PTPRN2: variants seen among roughly 807,000 people sequenced by gnomAD.
The protein encoded by PTPRN2 is protein tyrosine phosphatase receptor type N2, also known as receptor-type tyrosine-protein phosphatase N2.
A neutral mutation model predicts 118.8 loss-of-function variants in PTPRN2; 74 were observed. The ratio of observed to expected loss-of-function variants is 0.62; its 90% confidence interval spans 0.52 to 0.76. PTPRN2 has a LOEUF of 0.76. PTPRN2 is among the 30% of genes least tolerant of loss of function. The pLI, the probability that PTPRN2 is intolerant of heterozygous loss-of-function variation, is 0.00. For synonymous variants in PTPRN2, 641 were observed against 608.0 expected (o/e 1.05, Z -0.80); for missense variants, 1,481 against 1,394.4 (o/e 1.06, Z -0.99).
chr7:158,251,631 T>G (rs1329064223), intron 3 of PTPRN2, among the ~76,000 whole-genome samples: 1 of 120,096 alleles, frequency 8.3e-6, no homozygotes, highest in African/African-American at 3.3e-5. Flanking sequence ...GCAATGGATG[T>G]CTATGGTGCA....
rs2128811333 is a variant in PTPRN2 at position 157,964,195 on chromosome 7, T to C, written c.1724-65458A>G. Reference sequence around the variant, plus strand: ...GTGGGGTAGTGTTGAGTTCTGGTCCTGGTCCCACCGACCTGGGCTGGAGCT... The same window carrying C: ...GTGGGGTAGTGTTGAGTTCTGGTCCCGGTCCCACCGACCTGGGCTGGAGCT... On this transcript the variant is annotated intron_variant, in intron 11 of 22. Transcript: ENST00000389418. This position sits in a 1 kb window ranked among gnomAD's most constrained non-coding sequence, Gnocchi z 9.0. Among the ~76,000 whole-genome samples the C allele has an allele frequency of 6.6e-6, 1 of 152,288 alleles. No homozygotes were observed. The highest frequency in any genetic ancestry group is 1.9e-4 in the East Asian group (1 of 5,178).
chr7:157,544,989 TG>T (rs1798213253), intron 22 of PTPRN2, among the ~76,000 whole-genome samples: 1 of 143,782 alleles, frequency 7.0e-6, no homozygotes. Context: ...TGCAGGTGTG[TG>T]GGTGTGCAGG....
chr7:157,673,049 T>C (rs1282255416), intron 13 of PTPRN2, among the ~76,000 whole-genome samples: 1 of 152,190 alleles, frequency 6.6e-6, no homozygotes, highest in Non-Finnish European at 1.5e-5. Flanking sequence ...AGAAATAACA[T>C]ACCCAGGTTC....
chr7:158,384,561 C>T (rs1328481453), intron 2 of PTPRN2, among the ~76,000 whole-genome samples: 1 of 152,100 alleles, frequency 6.6e-6, no homozygotes, highest in African/African-American at 2.4e-5. Context: ...CTTCAACAGG[C>T]ACAGGTGTTA....
At chr7:158,314,660 C>T (rs879265425) in intron 3 of PTPRN2, among the ~76,000 whole-genome samples, 26 of 125,850 alleles carry the variant, frequency 2.1e-4, no homozygotes, top group Non-Finnish European at 2.8e-4. Context: ...GGCGCCCTGG[C>T]CCACACCGCC....
intron 11 of PTPRN2, among the ~76,000 whole-genome samples, chr7:158,056,842 G>A (rs1341455135): frequency 6.6e-6 from 1 of 152,206 alleles, no homozygotes; most frequent in East Asian, 1.9e-4. Flanking sequence ...CATCATCCCA[G>A]GTCAGGGGAC....
At chr7:158,441,052 TA>T (rs1817044865) in intron 2 of PTPRN2, among the ~76,000 whole-genome samples, 2 of 53,812 alleles carry the variant, frequency 3.7e-5, no homozygotes, top group African/African-American at 4.7e-5. Context: ...GTGATGGTGG[TA>T]GTGATGGGGG....
At chr7:158,332,368 A>G (rs1438043697) in intron 2 of PTPRN2, among the ~76,000 whole-genome samples, 4 of 129,002 alleles carry the variant, frequency 3.1e-5, no homozygotes, top group Admixed American at 1.5e-4. Flanking sequence ...CACTCTCACC[A>G]TAAGAGGTGA....
chr7:158,174,783 A>G (rs549363902), intron 5 of PTPRN2, among the ~76,000 whole-genome samples: 2 of 152,320 alleles, frequency 1.3e-5, no homozygotes, highest in South Asian at 4.2e-4. Flanking sequence ...AGGAAATCAG[A>G]GCTGCTTCCT....
chr7:158,314,452 T>C (rs1802122642), intron 3 of PTPRN2, among the ~76,000 whole-genome samples: 1 of 152,270 alleles, frequency 6.6e-6, no homozygotes, highest in Non-Finnish European at 1.5e-5. Flanking sequence ...GTGGGCAGCA[T>C]TCCGTCTGTG....
At chr7:158,164,837 G>A (rs562259869) in intron 6 of PTPRN2, among the ~76,000 whole-genome samples, 3 of 152,286 alleles carry the variant, frequency 2.0e-5, no homozygotes, top group East Asian at 3.9e-4. Flanking sequence ...GTGCCGGGGA[G>A]GGGCAAGGAA....
chr7:158,310,309 A>C (rs1801598168), intron 3 of PTPRN2, among the ~76,000 whole-genome samples: 1 of 152,254 alleles, frequency 6.6e-6, no homozygotes, highest in Admixed American at 6.5e-5. Context: ...AGGAAGACAA[A>C]GCAGTATCTC....
In PTPRN2 at chr7:158,133,754, C is replaced by T. The variant is rs1340333000; in HGVS notation, c.1479G>A (p.Glu493=). 1.9e-6 allele frequency: 3 copies of T among 1,613,600 alleles called. No individual in the cohort carries two copies. The highest frequency in any genetic ancestry group is 1.7e-5 in the Admixed American group (1 of 60,024). The stretch of plus-strand genomic sequence containing the variant: ...CCAATTGCAGGCCGTCGCTGAGGGC[C>T]TCCTGAGCACCCGCTGGAAGGCTCT... ...EEQSLPAGAQ[E]ALSDGLQLEV... is the part of the protein sequence containing the mutation. The change falls in exon 9 of 23, where the codon GAG becomes GAA. Residue 493 remains glutamate (E), a synonymous_variant. Transcript: ENST00000389418.
At chr7:158,026,288 G>A (rs1807262796) in intron 11 of PTPRN2, among the ~76,000 whole-genome samples, 1 of 152,316 alleles carries the variant, frequency 6.6e-6, no homozygotes, top group East Asian at 1.9e-4. Flanking sequence ...CAGGGATGAT[G>A]GAAGGTATTT....
At chr7:158,241,284 G>T (rs1453316952) in intron 3 of PTPRN2, among the ~76,000 whole-genome samples, 1 of 152,224 alleles carries the variant, frequency 6.6e-6, no homozygotes, top group East Asian at 1.9e-4. Flanking sequence ...GGGAGGCCAA[G>T]GGGGAGGATC....
rs1414434600 is a variant in PTPRN2, at chr7:158,071,318, AG to A, written c.1723+9979del. ...TGCTCGTGGTGGAGGTGCCCATGGT[AG>A]TGGAGGTGCCCATGGTGGTGGAGGT... is the stretch of plus-strand genomic sequence containing the variant. On this transcript the variant is annotated intron_variant, in intron 11 of 22. Transcript: ENST00000389418. Among the ~76,000 whole-genome samples the A allele has an allele frequency of 2.9e-4, 7 of 24,084 alleles. 1 individual carries two copies. The highest frequency in any genetic ancestry group is 1.5e-3 in the Admixed American group (3 of 2,048). The allele number at this position is 24,084 out of a possible 152,430, so 15.8% of individuals were successfully genotyped here.
Position 158,272,616 on chromosome 7 carries a change from G to A in PTPRN2, c.277+44203C>T, listed in dbSNP as rs1798590705. Among the ~76,000 whole-genome samples, 7 of 152,286 alleles carry A rather than the reference G, an allele frequency of 4.6e-5. No individual in the cohort carries two copies. In the South Asian group the frequency reaches 1.5e-3, roughly 32 times the overall value. On this transcript the variant is annotated intron_variant, in intron 3 of 22. Coordinates refer to ENST00000389418, the MANE Select transcript of PTPRN2 (RefSeq NM_002847.5). ...GCCTTGCACCCCAGACACCAGGGTT[G>A]AAAGCCTGAGTCCAGGCAGGAGCCA...
At chr7:158,485,330 AGCTCGGCCACCCCTCTGCGCCCCTCCT>A (rs1563346738) in intron 2 of PTPRN2, among the ~76,000 whole-genome samples, 4 of 149,812 alleles carry the variant, frequency 2.7e-5, no homozygotes, top group Non-Finnish European at 4.4e-5. Context: ...CACTCTTAGA[AGCTCGGCCACCCCTCTGCGCCCCTCCT>A]GCTCGGCCAC....
At chr7:157,907,156 G>A (rs558448914) in intron 11 of PTPRN2, among the ~76,000 whole-genome samples, 1 of 152,358 alleles carries the variant, frequency 6.6e-6, no homozygotes, top group East Asian at 1.9e-4. Flanking sequence ...GGTGGGTGTG[G>A]TGGCATCTGG....
Sources: allele counts gnomAD v4.1 joint callset (sites outside exome capture counted in the v4.1 genomes callset), GRCh38; gene constraint gnomAD v4.1.1; non-coding constraint Gnocchi (gnomAD v3.1); transcripts MANE v1.5; gene names NCBI Gene and HGNC (gene_info 2026-07-23, HGNC 2026-07-21).